GARNL3: variants seen among roughly 807,000 people sequenced by gnomAD.
GARNL3 encodes GTPase-activating Rap/Ran-GAP domain-like protein 3.
GARNL3 carries 63 observed loss-of-function variants against 125.0 expected under a neutral mutation model. The ratio of observed to expected loss-of-function variants is 0.50; its 90% CI spans 0.41 to 0.62. The LOEUF is 0.62. Among genes scored for constraint, GARNL3 ranks in the 20% least tolerant of loss-of-function variants. GARNL3 has a pLI of 0.00. For missense variants in GARNL3, 994 were observed against 1,244.0 expected (o/e 0.80, Z 3.02); for synonymous variants, 439 against 457.5 (o/e 0.96, Z 0.52).
At position 127,266,009 on chromosome 9, in the gene GARNL3, T is replaced by C. The variant is rs936883132; in HGVS notation, c.144+988T>C. Among the ~76,000 whole-genome samples the C allele has an allele frequency of 6.6e-6, 1 of 152,240 alleles. No individual in the cohort carries two copies. Among genetic ancestry groups the C allele is most frequent in the African/African-American group, 2.4e-5 (1 of 41,458 alleles). ...CAGTCCTTGTTCTTAAGGAGCTTAC[T>C]GTCCTCTGGCTGGGCAGATAAGACA... On this transcript the variant is annotated intron_variant, in intron 1 of 27. Transcript: ENST00000373387. The surrounding 1 kb of genome is among the most constrained non-coding windows in gnomAD (Gnocchi z 4.0).
intron 2 of GARNL3, among the ~76,000 whole-genome samples, chr9:127,299,342 T>A (rs1220924691): frequency 6.8e-6 from 1 of 146,764 alleles, no homozygotes; most frequent in African/African-American, 2.5e-5. Flanking sequence ...AAGAGAAAAG[T>A]TAGTACCAAA....
chr9:127,251,394 TTTTTG>T (rs753170807), intron 2 of GARNL3, among the ~76,000 whole-genome samples: 2 of 152,130 alleles, frequency 1.3e-5, no homozygotes, highest in Non-Finnish European at 2.9e-5. Context: ...TTCATAGTTT[TTTTTG>T]TTTTGTTTTG....
chr9:127,231,040 A>AT (rs1376359454), intron 1 of GARNL3, among the ~76,000 whole-genome samples: 504 of 46,128 alleles, frequency 0.011, 4 homozygotes, highest in Middle Eastern at 0.018. Context: ...ATATACATAT[A>AT]TATATATATA....
intron 1 of GARNL3, among the ~76,000 whole-genome samples, chr9:127,288,222 G>A (rs533324449): frequency 1.3e-5 from 2 of 152,346 alleles, no homozygotes; most frequent in African/African-American, 2.4e-5. Flanking sequence ...TTCCCAGGCA[G>A]TGGGTCAGGG....
At chr9:127,323,723 A>G (rs1030717534) in intron 6 of GARNL3, among the ~76,000 whole-genome samples, 3 of 146,826 alleles carry the variant, frequency 2.0e-5, no homozygotes, top group Non-Finnish European at 3.0e-5. Context: ...CAATTCCTCC[A>G]CCTGTGATTC....
chr9:127,253,870 A>C (rs2063449444), intron 2 of GARNL3, among the ~76,000 whole-genome samples: 1 of 152,158 alleles, frequency 6.6e-6, no homozygotes, highest in African/African-American at 2.4e-5. Flanking sequence ...TATCACTGAG[A>C]GTGTGCAAGT....
In GARNL3 at chr9:127,282,295, T is replaced by C. The variant is rs148364661; in HGVS notation, c.145-8873T>C. On this transcript the variant is annotated intron_variant, in intron 1 of 27. Transcript: ENST00000373387. ...GTAGCATAAAGTGGCTTAATCATGC[T>C]AATCAGAGCATTTTATATTAATCAC... is the stretch of plus-strand genomic sequence containing the variant. Among the ~76,000 whole-genome samples the C allele has an allele frequency of 2.6e-3, 399 of 152,352 alleles. 1 individual carries two copies. The highest frequency in any genetic ancestry group is 9.3e-3 in the African/African-American group (387 of 41,586).
intron 25 of GARNL3, 153 bp from the exon 26 acceptor site, chr9:127,388,751 T>C: frequency 4.9e-6 from 3 of 615,356 alleles, no homozygotes; most frequent in Non-Finnish European, 8.7e-6. Context: ...CTCAAATCAG[T>C]GCTCCTGGCC....
intron 21 of GARNL3, among the ~76,000 whole-genome samples, chr9:127,358,599 C>G (rs1296621513): frequency 6.6e-6 from 1 of 152,186 alleles, no homozygotes; most frequent in African/African-American, 2.4e-5. Flanking sequence ...TTTTAAGAAA[C>G]AGAAAAATAA....
chr9:127,225,815 C>CGCGCCCCTT (rs1385696525), intron 1 of GARNL3, among the ~76,000 whole-genome samples: 1 of 4,482 alleles, frequency 2.2e-4, no homozygotes, highest in Non-Finnish European at 5.6e-4. Flanking sequence ...CCGCGCCCCT[C>CGCGCCCCTT]GCGCCCCTTG....
intron 8 of GARNL3, among the ~76,000 whole-genome samples, chr9:127,332,710 C>T (rs1254555888): frequency 4.6e-5 from 7 of 152,222 alleles, no homozygotes; most frequent in East Asian, 1.9e-4. Context: ...TAGCACTTTT[C>T]GTGTTAAATA....
chr9:127,246,069 G>T (rs548892888), intron 2 of GARNL3, among the ~76,000 whole-genome samples: 1 of 152,326 alleles, frequency 6.6e-6, no homozygotes, highest in South Asian at 2.1e-4. Flanking sequence ...GACCTACTTT[G>T]AAGTTGGTGC....
intron 2 of GARNL3, chr9:127,300,417 G>T: frequency 2.5e-6 from 1 of 397,054 alleles, no homozygotes; most frequent in Non-Finnish European, 4.9e-6. Context: ...CTTCTCTTCT[G>T]CCCCTGCTGT....
upstream of GARNL3, among the ~76,000 whole-genome samples, chr9:127,259,121 T>C (rs1342731350): frequency 6.6e-6 from 1 of 152,214 alleles, no homozygotes; most frequent in African/African-American, 2.4e-5. Context: ...TGGCTTCCCC[T>C]TGGGGGCTGG....
chr9:127,341,970 G>C (rs186127646), intron 13 of GARNL3, among the ~76,000 whole-genome samples: 1 of 152,276 alleles, frequency 6.6e-6, no homozygotes, highest in African/African-American at 2.4e-5. Flanking sequence ...AAAGTGGATT[G>C]AGCAGCGAGG....
At chr9:127,336,380 C>T (rs1217708942) in intron 11 of GARNL3, 144 bp downstream of exon 11, 2 of 582,708 alleles carry the variant, frequency 3.4e-6, no homozygotes, top group Non-Finnish European at 6.1e-6. Flanking sequence ...TTTTCCTAAG[C>T]ATTGTGTATA....
intron 17 of GARNL3, among the ~76,000 whole-genome samples, chr9:127,350,864 A>C (rs1315160092): frequency 1.3e-5 from 2 of 152,312 alleles, no homozygotes; most frequent in East Asian, 1.9e-4. Flanking sequence ...AGACTTTAGA[A>C]GTTTAGTGCA....
chr9:127,320,873 A>T, intron 6 of GARNL3, 95 bp downstream of exon 6: 1 of 797,334 alleles, frequency 1.3e-6, no homozygotes, highest in Non-Finnish European at 2.1e-6. Flanking sequence ...CTGGGATGCA[A>T]AGCCAAATCA....
intron 9 of GARNL3, among the ~76,000 whole-genome samples, chr9:127,334,933 ACAGCAACTGCAAGGC>A (rs773957411): frequency 2.6e-5 from 4 of 152,214 alleles, no homozygotes; most frequent in Non-Finnish European, 4.4e-5. Context: ...CGTACCTCCC[ACAGCAACTGCAAGGC>A]AAGGAAGCTC....
Sources: allele counts gnomAD v4.1 joint callset (sites outside exome capture counted in the v4.1 genomes callset), GRCh38; gene constraint gnomAD v4.1.1; non-coding constraint Gnocchi (gnomAD v3.1); transcripts MANE v1.5; gene names NCBI Gene and HGNC (gene_info 2026-07-23, HGNC 2026-07-21).